The following NTNG1 variants were observed in gnomAD, a reference collection of about 807,000 sequenced individuals.
The protein encoded by NTNG1 is netrin-G1.
Under a neutral mutation model 54.0 loss-of-function variants are expected in NTNG1, and 16 were observed. That is an observed-to-expected ratio of 0.30 (90% CI 0.20 to 0.45). The LOEUF (loss-of-function observed/expected upper bound fraction) is 0.45, where lower values mean the gene tolerates loss of function less well. Among genes scored for constraint, NTNG1 ranks in the 20% least tolerant of loss-of-function variants. NTNG1 has a pLI of 1.00. For synonymous variants in NTNG1, 255 were observed against 263.1 expected (o/e 0.97, Z 0.30); for missense variants, 530 against 678.7 (o/e 0.78, Z 2.43).
intron 3 of NTNG1, among the ~76,000 whole-genome samples, chr1:107,373,414 G>GAT (rs903787126): frequency 1.0e-3 from 158 of 151,658 alleles, no homozygotes; most frequent in Middle Eastern, 3.4e-3. Context: ...ATGTTTTACA[G>GAT]ATATATATAT....
At chr1:107,158,031 G>C (rs954592085) in intron 2 of NTNG1, among the ~76,000 whole-genome samples, 11 of 152,060 alleles carry the variant, frequency 7.2e-5, no homozygotes, top group African/African-American at 2.4e-4. Flanking sequence ...GCCTGCTTCT[G>C]TCTTTTGTTC....
At chr1:107,259,408 T>C (rs1244692595) in intron 2 of NTNG1, among the ~76,000 whole-genome samples, 3 of 152,306 alleles carry the variant, frequency 2.0e-5, no homozygotes, top group South Asian at 2.1e-4. Context: ...TTAGGAAGCA[T>C]GTGTAAGGCA....
In NTNG1 at chr1:107,303,730, A is replaced by C. The variant is rs551100061; in HGVS notation, c.247-20552A>C. Among the ~76,000 whole-genome samples the C allele has an allele frequency of 6.4e-4, 97 of 152,174 alleles. 2 individuals are homozygous for C. In the South Asian group the frequency reaches 0.019, roughly 29 times the overall value. ...TGAGATGGAGTCTTGCTCTGTCGCCAAGGTGTAATGCAGTGGAACGATCTC... is the reference window on the plus strand; with the variant it reads ...TGAGATGGAGTCTTGCTCTGTCGCCCAGGTGTAATGCAGTGGAACGATCTC... On this transcript the variant is annotated intron_variant, in intron 2 of 7. Coordinates refer to ENST00000370068, the MANE Select transcript of NTNG1 (RefSeq NM_001113226.3).
chr1:107,297,200 C>CAT (rs1404999483), intron 2 of NTNG1, among the ~76,000 whole-genome samples: 12 of 117,266 alleles, frequency 1.0e-4, no homozygotes, highest in South Asian at 2.7e-4. Flanking sequence ...TATATAACAT[C>CAT]ATATATATAT....
At chr1:107,294,184 G>C (rs901029432) in intron 2 of NTNG1, among the ~76,000 whole-genome samples, 4 of 152,194 alleles carry the variant, frequency 2.6e-5, no homozygotes, top group African/African-American at 9.7e-5. Flanking sequence ...AATGGAGCCT[G>C]AGAACAACAG....
intron 1 of NTNG1, among the ~76,000 whole-genome samples, chr1:107,145,738 C>T (rs1045018222): frequency 3.9e-5 from 6 of 152,086 alleles, no homozygotes; most frequent in Admixed American, 2.6e-4. Flanking sequence ...GTCTGTTGCA[C>T]AGTCCTGCAA....
chr1:107,398,591 A>G (rs1391600981), intron 4 of NTNG1, among the ~76,000 whole-genome samples: 1 of 152,168 alleles, frequency 6.6e-6, no homozygotes, highest in African/African-American at 2.4e-5. Flanking sequence ...TATGCTTTTC[A>G]TGACAATAAA....
chr1:107,251,910 G>A (rs1662631796), intron 2 of NTNG1, among the ~76,000 whole-genome samples: 1 of 152,174 alleles, frequency 6.6e-6, no homozygotes, highest in African/African-American at 2.4e-5. Context: ...TAAAGGCAGA[G>A]GAAAGCCTAC....
chr1:107,192,330 C>G (rs1397573017), intron 2 of NTNG1, among the ~76,000 whole-genome samples: 2 of 152,050 alleles, frequency 1.3e-5, no homozygotes, highest in African/African-American at 4.8e-5. Flanking sequence ...TCTTTTTACA[C>G]AACCATCCTG....
At position 107,198,440 on chromosome 1, in the gene NTNG1, A is replaced by G. The variant is rs61800227; in HGVS notation, c.246+49601A>G. Among the ~76,000 whole-genome samples, 887 of 152,092 alleles carry G rather than the reference A, an allele frequency of 5.8e-3. 4 individuals carry two copies. The highest frequency in any genetic ancestry group is 0.012 in the South Asian group (60 of 4,830). Reference sequence around the variant, plus strand: ...CCAGAACAGTAAAAACTGTATCCTTATCTCCAAACTCTAGTCTGCTTATAC... The same window carrying G: ...CCAGAACAGTAAAAACTGTATCCTTGTCTCCAAACTCTAGTCTGCTTATAC... On this transcript the variant is annotated intron_variant, in intron 2 of 7. Transcript: ENST00000370068.
intron 2 of NTNG1, among the ~76,000 whole-genome samples, chr1:107,224,891 A>G (rs1398875405): frequency 6.6e-6 from 1 of 152,170 alleles, no homozygotes; most frequent in African/African-American, 2.4e-5. Context: ...CCCCTCTGCA[A>G]ATCATTAGCT....
chr1:107,269,998 T>G (rs1236751674), intron 2 of NTNG1, among the ~76,000 whole-genome samples: 1 of 152,240 alleles, frequency 6.6e-6, no homozygotes, highest in Non-Finnish European at 1.5e-5. Context: ...GAAAAGCCAC[T>G]GAATATTACT....
chr1:107,317,935 T>A (rs1028138580), intron 2 of NTNG1, among the ~76,000 whole-genome samples: 2 of 152,164 alleles, frequency 1.3e-5, no homozygotes, highest in African/African-American at 4.8e-5. Flanking sequence ...TCCTCTACTA[T>A]TCTTAGGGTG....
At chr1:107,423,600 A>G (rs1413521357) in intron 5 of NTNG1, among the ~76,000 whole-genome samples, 1 of 152,144 alleles carries the variant, frequency 6.6e-6, no homozygotes. Context: ...GTGTATACAT[A>G]CAGCTAAAGA....
At chr1:107,230,083 C>G (rs1013827895) in intron 2 of NTNG1, among the ~76,000 whole-genome samples, 1 of 152,054 alleles carries the variant, frequency 6.6e-6, no homozygotes, top group African/African-American at 2.4e-5. Context: ...ATTGAGGAAA[C>G]TAAGTATTAA....
intron 2 of NTNG1, among the ~76,000 whole-genome samples, chr1:107,176,168 C>G (rs116232947): frequency 9.9e-4 from 150 of 152,166 alleles, no homozygotes; most frequent in African/African-American, 3.5e-3. Context: ...TAAATTAGGT[C>G]TATAGAATAA....
intron 2 of NTNG1, among the ~76,000 whole-genome samples, chr1:107,313,455 A>G (rs1647007070): frequency 1.3e-5 from 2 of 152,256 alleles, no homozygotes; most frequent in South Asian, 4.1e-4. Context: ...GAATAGATGG[A>G]TCTGAGGTTC....
intron 2 of NTNG1, among the ~76,000 whole-genome samples, chr1:107,210,327 T>A (rs1168163279): frequency 6.6e-6 from 1 of 152,174 alleles, no homozygotes; most frequent in Non-Finnish European, 1.5e-5. Flanking sequence ...AAACAACTCC[T>A]CTGTTACTCC....
At chr1:107,167,736 A>G (rs575810186) in intron 2 of NTNG1, among the ~76,000 whole-genome samples, 6 of 152,198 alleles carry the variant, frequency 3.9e-5, no homozygotes, top group East Asian at 1.9e-4. Flanking sequence ...ATGTATTAAT[A>G]TAATATTTGA....
Sources: gnomAD v4.1 joint callset for allele counts (sites outside exome capture counted in the v4.1 genomes callset) on GRCh38, gnomAD v4.1.1 for gene constraint, MANE v1.5 for transcripts, NCBI Gene and HGNC (gene_info 2026-07-23, HGNC 2026-07-21) for gene names.